Variants in GIN1 observed in about 807,000 individuals in gnomAD.
GIN1 encodes the protein gypsy retrotransposon integrase 1.
A neutral mutation model predicts 51.4 loss-of-function variants in GIN1; 41 were observed. The observed-to-expected ratio is 0.80, with a 90% CI of 0.62 to 1.04. The LOEUF (loss-of-function observed/expected upper bound fraction) is 1.04. GIN1 is among the 50% of genes least tolerant of loss of function. The pLI is 0.00. For synonymous variants in GIN1, 222 were observed against 206.5 expected, an observed-to-expected ratio of 1.07 and a Z score of -0.64; for missense variants, 610 against 612.4, an observed-to-expected ratio of 1.00 and a Z score of 0.04.
chr5:103,116,110 C>A (rs1433100104), intron 1 of GIN1, among the ~76,000 whole-genome samples: 1 of 152,084 alleles, frequency 6.6e-6, no homozygotes. Flanking sequence ...AACCCTCAAG[C>A]TCTTTTGCAG....
At chr5:103,102,468 C>T (rs571907017) in intron 4 of GIN1, 3 of 152,156 alleles carry the variant, frequency 2.0e-5, no homozygotes, top group African/African-American at 4.8e-5. Flanking sequence ...TTTTCTTCAT[C>T]GAATGCTGTG....
chr5:103,100,025 C>T (rs1233683119), intron 4 of GIN1, among the ~76,000 whole-genome samples: 2 of 152,126 alleles, frequency 1.3e-5, no homozygotes, highest in African/African-American at 4.8e-5. Flanking sequence ...AACAAGTTTT[C>T]CCAATCATAT....
chr5:103,096,589 T>C lies in GIN1; in HGVS notation c.1246A>G (p.Ile416Val). The C allele has an allele frequency of 6.2e-7, 1 of 1,613,650 alleles. No homozygotes were observed. Among genetic ancestry groups the C allele is most frequent in the Non-Finnish European group, 8.5e-7 (1 of 1,179,566 alleles). The change falls in exon 7 of 8, where the codon ATC becomes GTC. Residue 416 changes from isoleucine (I) to valine (V), a missense_variant. Transcript: ENST00000399004. ...DNTGVRLKRPIKMSHLKPYIR... is the reference protein window; with the variant it reads ...DNTGVRLKRPVKMSHLKPYIR... ...TAGGGCTTAAGGTGGGACATTTTGA[T>C]AGGTCTTTTCAGTCTAACCCCAGTG...
At chr5:103,090,844 C>G (rs1390522249) in intron 7 of GIN1, among the ~76,000 whole-genome samples, 1 of 151,764 alleles carries the variant, frequency 6.6e-6, no homozygotes, top group Non-Finnish European at 1.5e-5. Flanking sequence ...ATGGACATAC[C>G]AACCTCACTT....
At chr5:103,106,347 A>C (rs1583127055) in intron 3 of GIN1, among the ~76,000 whole-genome samples, 2 of 152,284 alleles carry the variant, frequency 1.3e-5, no homozygotes, top group East Asian at 3.9e-4. Flanking sequence ...GGCTTGACTT[A>C]CTATGAACAT....
At chr5:103,107,030 G>A (rs183150160) in intron 2 of GIN1, 121 bp from the exon 3 acceptor site, 144 of 582,400 alleles carry the variant, frequency 2.5e-4, no homozygotes, top group African/African-American at 2.4e-3. Flanking sequence ...AAATCTTACT[G>A]CATTTAAAAC....
intron 7 of GIN1, among the ~76,000 whole-genome samples, chr5:103,094,320 G>C (rs1554194802): frequency 9.2e-5 from 14 of 152,126 alleles, no homozygotes. Flanking sequence ...CCAGATTCTA[G>C]GATGGCCAGA....
At chr5:103,104,108 C>G (rs1281756248) in intron 4 of GIN1, among the ~76,000 whole-genome samples, 1 of 152,088 alleles carries the variant, frequency 6.6e-6, no homozygotes, top group African/African-American at 2.4e-5. Context: ...CGCCCACCAC[C>G]ATGCCCAGTT....
rs1554195210 is a variant in GIN1, at chr5:103,097,390, C to T, written c.932G>A (p.Ser311Asn). Residue 311 changes from serine (S) to asparagine (N), a missense_variant, in exon 6 of 8, where the codon AGT (serine) becomes AAT (asparagine). By Grantham distance (46) the Ser-to-Asn change is conservative. Transcript: ENST00000399004. ...SLHEVDGDNT[S>N]MFAKILDAIK... The stretch of plus-strand genomic sequence containing the variant: ...TGCATCTAGAATTTTGGCAAACATA[C>T]TTGTATTATCACCATCCACTTCATG... 1 of 1,583,550 alleles carries T rather than the reference C, an allele frequency of 6.3e-7. No individual in the cohort carries two copies. Among genetic ancestry groups the T allele is most frequent in the Admixed American group, 1.7e-5 (1 of 59,916 alleles).
Position 103,086,754 on chromosome 5 carries a change from A to G in GIN1, c.*1144T>C, listed in dbSNP as rs1391097526. The G allele has an allele frequency of 6.6e-6, 1 of 152,194 alleles. No homozygotes were observed. The highest frequency in any genetic ancestry group is 1.5e-5 in the Non-Finnish European group (1 of 68,040). 9.4% of individuals were successfully genotyped at this position (152,194 alleles called of 1,614,324 possible). On this transcript the variant is annotated 3_prime_UTR_variant, in exon 8 of 8. Transcript: ENST00000399004. The stretch of plus-strand genomic sequence containing the variant: ...TTAACTTGTGCTGTACATGGCTTAC[A>G]TAGTTTATTACCTACCAGACAGTAA...
intron 7 of GIN1, among the ~76,000 whole-genome samples, chr5:103,093,593 G>A (rs982188692): frequency 6.6e-6 from 1 of 152,174 alleles, no homozygotes; most frequent in East Asian, 1.9e-4. Flanking sequence ...ATTTGTTACA[G>A]CAACAAGAGG....
chr5:103,117,581 T>TATATACACACACAC (rs5870042), intron 1 of GIN1, among the ~76,000 whole-genome samples: 7 of 149,382 alleles, frequency 4.7e-5, no homozygotes, highest in Non-Finnish European at 7.5e-5. Context: ...GAAAAAAATA[T>TATATACACACACAC]ACACACACAC....
In GIN1 at chr5:103,097,242, T is replaced by C. The variant is rs530910513; in HGVS notation, c.1008+72A>G. 1.5e-4 allele frequency: 138 copies of C among 890,404 alleles called. 3 individuals carry two copies. The Middle Eastern group carries it at 1.7e-3, about 11-fold the overall frequency. The allele number at this position is 890,404 out of a possible 1,614,324, so 55.2% of individuals were successfully genotyped here. A position where few individuals can be genotyped will look rare whatever the true frequency, so the allele number is the denominator to read the frequency against. On this transcript the variant is annotated intron_variant, in intron 6 of 7. Coordinates refer to ENST00000399004, the MANE Select transcript of GIN1 (RefSeq NM_017676.2). ...GTGTGTGTGCATGCACACATGTATA[T>C]GCTGAAATTTTAAAAATAAATATAA...
chr5:103,093,788 CTA>C (rs1345026690), intron 7 of GIN1, among the ~76,000 whole-genome samples: 1 of 152,108 alleles, frequency 6.6e-6, no homozygotes, highest in Non-Finnish European at 1.5e-5. Flanking sequence ...CAAAAAGACA[CTA>C]TGGTATTTTA....
chr5:103,087,846 T>C lies in GIN1; in HGVS notation c.*52A>G, dbSNP rs1787117368. 1 of 727,584 alleles carries C rather than the reference T, an allele frequency of 1.4e-6. No homozygotes were observed. The highest frequency in any genetic ancestry group is 2.2e-6 in the Non-Finnish European group (1 of 455,188). The allele number at this position is 727,584 out of a possible 1,614,324, so 45.1% of individuals were successfully genotyped here. On this transcript the variant is annotated 3_prime_UTR_variant, in exon 8 of 8. Coordinates refer to ENST00000399004, the MANE Select transcript of GIN1 (RefSeq NM_017676.2). ...TACAACGTTTTTAATGAATAAGATATCATTAAGAATTTATATTCTAAACAA... is the reference window on the plus strand; with the variant it reads ...TACAACGTTTTTAATGAATAAGATACCATTAAGAATTTATATTCTAAACAA...
chr5:103,106,542 C>T, intron 3 of GIN1, 174 bp downstream of exon 3: 1 of 451,096 alleles, frequency 2.2e-6, no homozygotes, highest in Non-Finnish European at 3.9e-6. Context: ...CTTTCCTGTT[C>T]AAATTATACT....
chr5:103,088,396 T>C (rs904824734), intron 7 of GIN1, among the ~76,000 whole-genome samples: 3 of 152,162 alleles, frequency 2.0e-5, no homozygotes, highest in African/African-American at 7.2e-5. Context: ...AGGTCAAGGA[T>C]TTTAAAACAG....
chr5:103,111,759 T>C (rs1787890012), intron 1 of GIN1, among the ~76,000 whole-genome samples: 1 of 152,180 alleles, frequency 6.6e-6, no homozygotes, highest in African/African-American at 2.4e-5. Flanking sequence ...TTCCGTATTT[T>C]GCTTTTATAT....
At chr5:103,117,262 T>A (rs1243346185) in intron 1 of GIN1, among the ~76,000 whole-genome samples, 1 of 152,128 alleles carries the variant, frequency 6.6e-6, no homozygotes, top group Non-Finnish European at 1.5e-5. Flanking sequence ...AAAATCATTA[T>A]GCTAAGTGAA....
Sources: allele counts gnomAD v4.1 joint callset (sites outside exome capture counted in the v4.1 genomes callset), GRCh38; gene constraint gnomAD v4.1.1; transcripts MANE v1.5; gene names NCBI Gene and HGNC (gene_info 2026-07-23, HGNC 2026-07-21).